Variants in CWF19L2 observed in about 807,000 individuals in gnomAD.
The protein encoded by CWF19L2 is CWF19 like cell cycle control factor 2.
A neutral mutation model predicts 111.7 loss-of-function variants in CWF19L2; 98 were observed. The observed-to-expected ratio is 0.88, with a 90% confidence interval of 0.75 to 1.04. The LOEUF is 1.04. CWF19L2 is among the 50% of genes least tolerant of loss of function. The probability of loss-of-function intolerance (pLI) is 0.00; values close to 1 mark genes in which losing one functional copy is unlikely to be tolerated. For missense variants in CWF19L2, 1,101 were observed against 1,051.4 expected (o/e 1.05, Z -0.65); for synonymous variants, 351 against 342.9 (o/e 1.02, Z -0.26).
At chr11:107,421,791 G>C (rs1404576023) in intron 8 of CWF19L2, among the ~76,000 whole-genome samples, 1 of 152,074 alleles carries the variant, frequency 6.6e-6, no homozygotes, top group Non-Finnish European at 1.5e-5. Context: ...TTGGAAAACA[G>C]TTTAGCAGTT....
intron 6 of CWF19L2, among the ~76,000 whole-genome samples, chr11:107,436,343 A>C (rs1196102584): frequency 6.6e-6 from 1 of 152,156 alleles, no homozygotes; most frequent in Non-Finnish European, 1.5e-5. Flanking sequence ...AAAATGAAGA[A>C]ACTTCCATCA....
chr11:107,431,644 CAA>C (rs1288895341), intron 7 of CWF19L2, among the ~76,000 whole-genome samples: 3 of 151,974 alleles, frequency 2.0e-5, no homozygotes, highest in African/African-American at 7.2e-5. Flanking sequence ...TGGTGACTAA[CAA>C]GAGATTTATC....
intron 14 of CWF19L2, among the ~76,000 whole-genome samples, chr11:107,339,713 T>C (rs1248724885): frequency 6.7e-6 from 1 of 148,728 alleles, no homozygotes; most frequent in African/African-American, 2.5e-5. Context: ...TCACCTAGGC[T>C]AGAGTGCAGT....
intron 10 of CWF19L2, among the ~76,000 whole-genome samples, chr11:107,396,397 T>C (rs1401403958): frequency 6.6e-6 from 1 of 152,198 alleles, no homozygotes; most frequent in Non-Finnish European, 1.5e-5. Flanking sequence ...AAGGACACTT[T>C]AATTAACAAA....
intron 11 of CWF19L2, 70 bp from the exon 12 acceptor site, chr11:107,390,281 T>G: frequency 8.4e-7 from 1 of 1,197,472 alleles, no homozygotes; most frequent in East Asian, 2.5e-5. Flanking sequence ...ATGGATTACA[T>G]AAATATCTGA....
intron 3 of CWF19L2, among the ~76,000 whole-genome samples, chr11:107,445,085 AAAC>A (rs1861682388): frequency 6.6e-6 from 1 of 152,214 alleles, no homozygotes; most frequent in Non-Finnish European, 1.5e-5. Flanking sequence ...AATTTTTTAA[AAAC>A]TAGAACTCAG....
At chr11:107,382,607 A>T (rs1335377716) in intron 12 of CWF19L2, among the ~76,000 whole-genome samples, 1 of 152,252 alleles carries the variant, frequency 6.6e-6, no homozygotes, top group Admixed American at 6.5e-5. Context: ...GTAACATAAC[A>T]TAGTAAACAT....
chr11:107,386,427 C>T (rs995593142), intron 12 of CWF19L2, among the ~76,000 whole-genome samples: 1 of 152,140 alleles, frequency 6.6e-6, no homozygotes, highest in Non-Finnish European at 1.5e-5. Context: ...TCAATTCTTC[C>T]CAAATTCACT....
rs184650073 is a variant in CWF19L2 at position 107,452,410 on chromosome 11, C to T, written c.339+2040G>A. The stretch of plus-strand genomic sequence containing the variant: ...AACAAAATGGAAAAAAAATAACAAA[C>T]GACATGTAAGATCTCTACACTAAAA... On this transcript the variant is annotated intron_variant, in intron 3 of 17. Transcript: ENST00000282251. 2.3e-4 allele frequency among the ~76,000 whole-genome samples: 35 copies of T among 151,780 alleles called. No individual in the cohort carries two copies. In the East Asian group the frequency reaches 6.6e-3, roughly 29 times the overall value.
At chr11:107,429,506 T>A in intron 7 of CWF19L2, 55 bp from the exon 8 acceptor site, 3 of 1,352,898 alleles carry the variant, frequency 2.2e-6, no homozygotes, top group Non-Finnish European at 2.0e-6. Context: ...GCTCAGTGAC[T>A]TGCACCCCAC....
rs528950672 is a variant in CWF19L2, at chr11:107,408,846, C to T, written c.1617+7363G>A. ...GAAAAGTGTGCCTACAGTAACATGG[C>T]AAGGTAAACAGAATAAATGCAAAGC... On this transcript the variant is annotated intron_variant, in intron 10 of 17. Coordinates refer to ENST00000282251, the MANE Select transcript of CWF19L2 (RefSeq NM_152434.3). Among the ~76,000 whole-genome samples, 9 of 152,056 alleles carry T rather than the reference C, an allele frequency of 5.9e-5. No homozygotes were observed. In the South Asian group the frequency reaches 1.9e-3, roughly 32 times the overall value.
chr11:107,440,094 G>A (rs887513310), intron 5 of CWF19L2, among the ~76,000 whole-genome samples: 3 of 152,084 alleles, frequency 2.0e-5, no homozygotes, highest in Non-Finnish European at 4.4e-5. Context: ...AATAAATTAT[G>A]GTCTAGAGAA....
At chr11:107,385,965 T>C (rs1745310228) in intron 12 of CWF19L2, among the ~76,000 whole-genome samples, 1 of 152,208 alleles carries the variant, frequency 6.6e-6, no homozygotes, top group Admixed American at 6.5e-5. Flanking sequence ...TATACTTGTA[T>C]TTTATGATTA....
chr11:107,335,103 G>A (rs751540547), intron 15 of CWF19L2, 142 bp from the exon 16 acceptor site: 11 of 500,912 alleles, frequency 2.2e-5, no homozygotes, highest in South Asian at 3.8e-5. Context: ...AAGGCTTTTA[G>A]TTATTTAAAA....
intron 10 of CWF19L2, among the ~76,000 whole-genome samples, chr11:107,394,833 C>CA (rs1450933270): frequency 5.3e-5 from 8 of 151,564 alleles, no homozygotes; most frequent in Non-Finnish European, 8.8e-5. Context: ...ACCCATATTG[C>CA]AAAAAAAATT....
intron 8 of CWF19L2, among the ~76,000 whole-genome samples, chr11:107,418,825 T>C (rs897804529): frequency 1.1e-4 from 16 of 152,216 alleles, no homozygotes; most frequent in African/African-American, 3.4e-4. Flanking sequence ...ACCTATACTA[T>C]GGAAGCCTCA....
At chr11:107,456,909 A>G (rs980469808) in intron 1 of CWF19L2, among the ~76,000 whole-genome samples, 2 of 152,108 alleles carry the variant, frequency 1.3e-5, no homozygotes, top group Non-Finnish European at 2.9e-5. Context: ...AAACTATGTC[A>G]TTTTCCCTTT....
intron 14 of CWF19L2, among the ~76,000 whole-genome samples, chr11:107,348,308 G>C (rs1368471726): frequency 6.6e-6 from 1 of 152,002 alleles, no homozygotes; most frequent in Non-Finnish European, 1.5e-5. Context: ...AAAATAAAGA[G>C]TTTTCTTCCT....
chr11:107,337,814 C>A (rs758809974), intron 14 of CWF19L2, among the ~76,000 whole-genome samples: 5 of 152,100 alleles, frequency 3.3e-5, no homozygotes, highest in Non-Finnish European at 5.9e-5. Context: ...TTAGATTTGT[C>A]AGCTTGATTT....
Sources: gnomAD v4.1 joint callset for allele counts (sites outside exome capture counted in the v4.1 genomes callset) on GRCh38, gnomAD v4.1.1 for gene constraint, MANE v1.5 for transcripts, NCBI Gene and HGNC (gene_info 2026-07-23, HGNC 2026-07-21) for gene names.